Variants in WWOX observed in about 807,000 individuals in gnomAD.
WWOX encodes WW domain-containing oxidoreductase.
In WWOX, 69 loss-of-function variants were observed where a neutral mutation model predicts 46.2. That is an observed-to-expected ratio of 1.49 (90% CI 1.23 to 1.82). WWOX has a LOEUF of 1.82. Ranked by LOEUF, WWOX falls within the 40% of genes most tolerant of loss-of-function variation. The pLI, the probability that WWOX is intolerant of heterozygous loss-of-function variation, is 0.00. For synonymous variants in WWOX, 359 were observed against 202.6 expected, an observed-to-expected ratio of 1.77 and a Z score of -6.56; for missense variants, 919 against 542.6, an observed-to-expected ratio of 1.69 and a Z score of -6.89.
chr16:78,669,271 ATG>A (rs1361924217), intron 8 of WWOX, among the ~76,000 whole-genome samples: 1 of 152,238 alleles, frequency 6.6e-6, no homozygotes, highest in East Asian at 1.9e-4. Flanking sequence ...CAAGTGTCCC[ATG>A]GCAGTGCCTA....
intron 8 of WWOX, among the ~76,000 whole-genome samples, chr16:79,022,734 A>G (rs2047559368): frequency 6.6e-6 from 1 of 152,206 alleles, no homozygotes; most frequent in African/African-American, 2.4e-5. Flanking sequence ...AAGAAGAGGC[A>G]GTGGCCCCCC....
chr16:78,566,562 C>G (rs910131087), intron 8 of WWOX, among the ~76,000 whole-genome samples: 2 of 152,116 alleles, frequency 1.3e-5, no homozygotes, highest in Admixed American at 6.5e-5. Flanking sequence ...GCTGTCTGTG[C>G]TGAGGCTGGG....
At chr16:78,980,972 G>T (rs2046669762) in intron 8 of WWOX, among the ~76,000 whole-genome samples, 1 of 152,162 alleles carries the variant, frequency 6.6e-6, no homozygotes, top group Non-Finnish European at 1.5e-5. Flanking sequence ...TGGCCCCACA[G>T]TTTAGTTCTT....
At chr16:78,965,482 A>C (rs1000365795) in intron 8 of WWOX, among the ~76,000 whole-genome samples, 1 of 151,930 alleles carries the variant, frequency 6.6e-6, no homozygotes, top group Non-Finnish European at 1.5e-5. Context: ...AGGCAGGAGA[A>C]TCACTTGAAC....
At position 78,099,679 on chromosome 16, in the gene WWOX, G is replaced by T. The variant is rs959917859; in HGVS notation, c.-100G>T. 24 of 1,419,174 alleles carry T rather than the reference G, an allele frequency of 1.7e-5. No homozygotes were observed. In the South Asian group the frequency reaches 2.8e-4, roughly 17 times the overall value. The allele number at this position is 1,419,174 out of a possible 1,614,324, so 87.9% of individuals were successfully genotyped here. On this transcript the variant is annotated 5_prime_UTR_variant, in exon 1 of 9. Coordinates refer to ENST00000566780, the MANE Select transcript of WWOX (RefSeq NM_016373.4). ...GCAGTGCGCAGGCGTGAGCGGTCGG[G>T]CCCCGACGCGCGCGGGTCTCGTTTG...
At chr16:78,638,196 C>G (rs140730900) in intron 8 of WWOX, among the ~76,000 whole-genome samples, 1 of 152,168 alleles carries the variant, frequency 6.6e-6, no homozygotes, top group African/African-American at 2.4e-5. Flanking sequence ...CAGGAATGCT[C>G]GATTTGTATT....
intron 8 of WWOX, among the ~76,000 whole-genome samples, chr16:78,808,805 G>T (rs1567574679): frequency 6.6e-6 from 1 of 152,090 alleles, no homozygotes; most frequent in Non-Finnish European, 1.5e-5. Context: ...TTGACCACTA[G>T]CCTAAACTGC....
intron 8 of WWOX, chr16:78,897,499 T>C (rs537615797): frequency 6.2e-4 from 94 of 152,214 alleles, no homozygotes; most frequent in African/African-American, 2.1e-3. Flanking sequence ...GATGGGTGTA[T>C]TAGGGGTTCT....
chr16:79,007,244 G>T (rs1382834123), intron 8 of WWOX, among the ~76,000 whole-genome samples: 1 of 152,132 alleles, frequency 6.6e-6, no homozygotes, highest in South Asian at 2.1e-4. Flanking sequence ...AAATAAAAAA[G>T]GTTCTTTGCT....
At chr16:78,223,168 G>A (rs1272652407) in intron 5 of WWOX, among the ~76,000 whole-genome samples, 6 of 152,178 alleles carry the variant, frequency 3.9e-5, no homozygotes, top group Non-Finnish European at 8.8e-5. Context: ...ACTGTGTACA[G>A]TGGTGCTGTA....
At chr16:78,368,483 A>C (rs2081591584) in intron 5 of WWOX, among the ~76,000 whole-genome samples, 1 of 152,142 alleles carries the variant, frequency 6.6e-6, no homozygotes, top group Non-Finnish European at 1.5e-5. Context: ...ATGTGGTAAA[A>C]GCTCTGGGCC....
chr16:78,263,965 C>A (rs186532567), intron 5 of WWOX, among the ~76,000 whole-genome samples: 1 of 130,374 alleles, frequency 7.7e-6, no homozygotes, highest in Non-Finnish European at 1.6e-5. Context: ...TCCCTTAATG[C>A]AACAAAGAAA....
chr16:79,177,603 A>T (rs530675668), intron 8 of WWOX, among the ~76,000 whole-genome samples: 2 of 152,116 alleles, frequency 1.3e-5, no homozygotes, highest in Admixed American at 6.5e-5. Context: ...GGGGGAAAAA[A>T]GTGGGAGCAT....
chr16:79,024,299 C>A (rs557843559), intron 8 of WWOX, among the ~76,000 whole-genome samples: 1 of 152,276 alleles, frequency 6.6e-6, no homozygotes, highest in East Asian at 1.9e-4. Context: ...TACGCTGCTG[C>A]GTAGGTTGTG....
chr16:78,158,447 T>C (rs1475315318), intron 4 of WWOX, among the ~76,000 whole-genome samples: 2 of 152,168 alleles, frequency 1.3e-5, no homozygotes, highest in Non-Finnish European at 2.9e-5. Flanking sequence ...TGGATTAGAC[T>C]GCCTCTTCTT....
At chr16:78,549,775 T>C (rs1279270763) in intron 8 of WWOX, among the ~76,000 whole-genome samples, 1 of 152,196 alleles carries the variant, frequency 6.6e-6, no homozygotes, top group Non-Finnish European at 1.5e-5. Flanking sequence ...AAGGGTAAGA[T>C]GAACGTCTTA....
intron 8 of WWOX, among the ~76,000 whole-genome samples, chr16:78,797,875 C>G (rs574348206): frequency 6.6e-6 from 1 of 152,272 alleles, no homozygotes; most frequent in Admixed American, 6.5e-5. Context: ...GTAGTCCTAG[C>G]TACTCAAGAG....
chr16:78,883,535 C>A (rs368324466), intron 8 of WWOX, among the ~76,000 whole-genome samples: 1 of 151,978 alleles, frequency 6.6e-6, no homozygotes. Flanking sequence ...ACCAGCCTGG[C>A]GAACATGGCA....
At chr16:79,122,267 C>T (rs934353285) in intron 8 of WWOX, among the ~76,000 whole-genome samples, 2 of 151,848 alleles carry the variant, frequency 1.3e-5, no homozygotes, top group African/African-American at 4.8e-5. Context: ...TAGGCTGAGC[C>T]AAAAAAGAAA....
Sources: allele counts gnomAD v4.1 joint callset (sites outside exome capture counted in the v4.1 genomes callset), GRCh38; gene constraint gnomAD v4.1.1; transcripts MANE v1.5; gene names NCBI Gene and HGNC (gene_info 2026-07-23, HGNC 2026-07-21).